Variants in FBXW10 observed in about 807,000 individuals in gnomAD.
The protein encoded by FBXW10 is F-box/WD repeat-containing protein 10.
A neutral mutation model predicts 113.1 loss-of-function variants in FBXW10; 68 were observed. That is an observed-to-expected ratio of 0.60 (90% CI 0.49 to 0.74). The LOEUF (loss-of-function observed/expected upper bound fraction) is 0.74. Among genes scored for constraint, FBXW10 ranks in the 30% least tolerant of loss-of-function variants. The pLI is 0.00. For synonymous variants in FBXW10, 289 were observed against 481.6 expected, an observed-to-expected ratio of 0.60 and a Z score of 5.24; for missense variants, 753 against 1,284.5, an observed-to-expected ratio of 0.59 and a Z score of 6.32.
At chr17:18,747,168 C>T (rs1402428334) in intron 1 of FBXW10, among the ~76,000 whole-genome samples, 4 of 152,062 alleles carry the variant, frequency 2.6e-5, no homozygotes, top group Admixed American at 2.0e-4. Context: ...CCTTGTGATC[C>T]GCCTGCCTCA....
chr17:18,776,825 C>A (rs984281426), intron 13 of FBXW10, among the ~76,000 whole-genome samples: 1 of 151,928 alleles, frequency 6.6e-6, no homozygotes, highest in Non-Finnish European at 1.5e-5. Context: ...CATCAATGGG[C>A]AATGGCTAAG....
Position 18,750,977 on chromosome 17 carries a change from C to G in FBXW10, c.1046C>G (p.Ser349Cys), listed in dbSNP as rs1420068122. The G allele has an allele frequency of 6.2e-7, 1 of 1,614,124 alleles. No homozygotes were observed. The highest frequency in any genetic ancestry group is 1.1e-5 in the South Asian group (1 of 91,084). The change falls in exon 5 of 14, where the codon TCT becomes TGT. Residue 349 changes from serine (S) to cysteine (C), a missense_variant. Ser to Cys is a moderately radical substitution (Grantham distance 112, BLOSUM62 -1). Coordinates refer to ENST00000395665, the MANE Select transcript of FBXW10 (RefSeq NM_001267585.2). ...GATCCTAATTATGCCAATAAGGTTT[C>G]TATCCCAGTTCCTAAAATGGTAGAT... ...GIDPNYANKV[S>C]IPVPKMVDDG...
rs139214917 is a variant in FBXW10 at position 18,760,466 on chromosome 17, A to G, written c.1433+1961A>G. 1.9e-4 allele frequency among the ~76,000 whole-genome samples: 29 copies of G among 152,382 alleles called. 1 individual carries two copies. The East Asian group carries it at 5.2e-3, about 27-fold the overall frequency. On this transcript the variant is annotated intron_variant, in intron 7 of 13. Coordinates refer to ENST00000395665, the MANE Select transcript of FBXW10 (RefSeq NM_001267585.2). ...GAATACCCTCTTGCCAGGACTATCT[A>G]TTAACTGTGTTCATAGTATCTACAT...
Position 18,766,774 on chromosome 17 carries a change from CCA to C in FBXW10, c.1618_1619del (p.Thr540GlnfsTer4). ...TTTAGACACAAAGACCCCATCTTGG[CCA>C]CCAGGATCAATGATACCTACATTGT... On this transcript the variant is annotated frameshift_variant, in exon 9 of 14. Transcript: ENST00000395665. LOFTEE classifies it high-confidence loss of function. 6.2e-7 allele frequency: 1 copy of C among 1,612,644 alleles called. No homozygotes were observed. Among genetic ancestry groups the C allele is most frequent in the South Asian group, 1.1e-5 (1 of 91,038 alleles).
At position 18,770,079 on chromosome 17, in the gene FBXW10, G is replaced by A. The variant is rs747464074; in HGVS notation, c.2000G>A (p.Gly667Asp). 6.8e-6 allele frequency: 11 copies of A among 1,614,134 alleles called. No homozygotes were observed. In the Admixed American group the frequency reaches 1.8e-4, roughly 27 times the overall value. ...CCTGTGCTGTCCTTCTTTATTCAGG[G>A]CAACAGGTGGGTGGTAGGTGTGGAG... is the stretch of plus-strand genomic sequence containing the variant. The part of the protein sequence containing the change: ...GDPVLSFFIQ[G>D]NRMVVNTESN... The change falls in exon 11 of 14, where the codon GGC (glycine) becomes GAC (aspartate). Residue 667 changes from glycine to aspartate, a missense_variant. Physicochemically the swap from Gly to Asp is moderately conservative, Grantham distance 94 (BLOSUM62 -1). Coordinates refer to ENST00000395665, the MANE Select transcript of FBXW10 (RefSeq NM_001267585.2).
At position 18,749,801 on chromosome 17, in the gene FBXW10, A is replaced by C; in HGVS notation, c.750A>C (p.Pro250=). The change falls in exon 3 of 14, where the codon CCA becomes CCC. Residue 250 remains proline, a synonymous_variant. Coordinates refer to ENST00000395665, the MANE Select transcript of FBXW10 (RefSeq NM_001267585.2). ...LFSGKGDITK[P]GYDPCNLLVD... ...CTGGAAAAGGAGACATAACCAAGCC[A>C]GGGTACGATCCCTGCAATCTATTGG... 6.2e-7 allele frequency: 1 copy of C among 1,614,232 alleles called. No individual in the cohort carries two copies. Among genetic ancestry groups the C allele is most frequent in the Non-Finnish European group, 8.5e-7 (1 of 1,180,048 alleles).
intron 12 of FBXW10, among the ~76,000 whole-genome samples, chr17:18,773,427 T>C (rs1258201665): frequency 6.6e-6 from 1 of 152,200 alleles, no homozygotes; most frequent in Non-Finnish European, 1.5e-5. Flanking sequence ...GCAGAATGTA[T>C]TGTTTTTAGA....
Position 18,768,605 on chromosome 17 carries a change from T to C in FBXW10, c.1776T>C (p.Thr592=), listed in dbSNP as rs766798493. 9 of 1,614,046 alleles carry C rather than the reference T, an allele frequency of 5.6e-6. No homozygotes were observed. Among genetic ancestry groups the C allele is most frequent in the Non-Finnish European group, 7.6e-6 (9 of 1,179,952 alleles). Residue 592 remains threonine, a synonymous_variant, in exon 10 of 14, where the codon ACT becomes ACC. Transcript: ENST00000395665. ...FDQWHLLSGS[T]DGLVMAWSMV... ...AGTGGCATCTCCTCTCAGGAAGTAC[T>C]GATGGCCTGGTCATGGCCTGGAGCA...
At chr17:18,759,262 A>G (rs1310782227) in intron 7 of FBXW10, among the ~76,000 whole-genome samples, 1 of 152,024 alleles carries the variant, frequency 6.6e-6, no homozygotes, top group African/African-American at 2.4e-5. Context: ...CCATTCCCCA[A>G]CCCTCCCACT....
At chr17:18,757,761 A>C (rs2035294573) in intron 6 of FBXW10, among the ~76,000 whole-genome samples, 1 of 152,274 alleles carries the variant, frequency 6.6e-6, no homozygotes, top group Non-Finnish European at 1.5e-5. Flanking sequence ...TATGATTGAA[A>C]GACTAATTCA....
intron 9 of FBXW10, 151 bp from the exon 10 acceptor site, chr17:18,768,383 A>C (rs1216388250): frequency 1.8e-6 from 2 of 1,109,030 alleles, no homozygotes; most frequent in Admixed American, 5.5e-5. Context: ...GCCTTCTTAG[A>C]GCAAAAGCAG....
chr17:18,747,872 T>A, intron 1 of FBXW10, 69 bp from the exon 2 acceptor site: 3 of 1,606,226 alleles, frequency 1.9e-6, no homozygotes, highest in Non-Finnish European at 2.5e-6. Flanking sequence ...TGAAAAAGTT[T>A]CTCTCCACCT....
In FBXW10 at chr17:18,766,830, G is replaced by C. The variant is rs144460161; in HGVS notation, c.1672G>C (p.Val558Leu). ...CAGCTGTGAGCGAGGGCTGGTGAAA[G>C]TGTGGCACATTGCCATGGCCCAGTT... ...VSSCERGLVK[V>L]WHIAMAQLVK... Residue 558 changes from valine to leucine, a missense_variant, in exon 9 of 14, where the codon GTG (valine) becomes CTG (leucine). Coordinates refer to ENST00000395665, the MANE Select transcript of FBXW10 (RefSeq NM_001267585.2). The C allele has an allele frequency of 1.2e-6, 2 of 1,610,248 alleles. No individual in the cohort carries two copies. The highest frequency in any genetic ancestry group is 1.3e-5 in the African/African-American group (1 of 74,976).
intron 7 of FBXW10, among the ~76,000 whole-genome samples, chr17:18,761,652 A>C (rs757434421): frequency 1.3e-5 from 2 of 152,200 alleles, no homozygotes; most frequent in Admixed American, 6.5e-5. Flanking sequence ...ACCTAACTAG[A>C]CTTTATTTGG....
chr17:18,758,018 C>T (rs574628183), intron 6 of FBXW10, among the ~76,000 whole-genome samples: 55 of 152,330 alleles, frequency 3.6e-4, no homozygotes, highest in African/African-American at 1.3e-3. Context: ...ATGCCACATA[C>T]TCCATTCTCT....
At chr17:18,763,258 G>A (rs1436131951) in intron 7 of FBXW10, among the ~76,000 whole-genome samples, 9 of 151,338 alleles carry the variant, frequency 5.9e-5, no homozygotes, top group African/African-American at 1.7e-4. Context: ...CCAGGTTCAC[G>A]CCATTCTCCT....
intron 7 of FBXW10, among the ~76,000 whole-genome samples, chr17:18,759,285 TC>T (rs1334511102): frequency 6.6e-6 from 1 of 152,224 alleles, no homozygotes; most frequent in Admixed American, 6.5e-5. Context: ...GCCCTTCTCT[TC>T]TTGCTTCTTC....
At position 18,778,772 on chromosome 17, in the gene FBXW10, A is replaced by T; in HGVS notation, c.2633A>T (p.Asp878Val). 1 of 1,613,810 alleles carries T rather than the reference A, an allele frequency of 6.2e-7. No homozygotes were observed. Among genetic ancestry groups the T allele is most frequent in the Non-Finnish European group, 8.5e-7 (1 of 1,179,804 alleles). ...DRLRLSNPPI[D>V]VKRTSIPLEI... ...TTGAGATTGAGCAATCCTCCTATAGATGTGAAACGAACCAGTATTCCCCTT... is the reference window on the plus strand; with the variant it reads ...TTGAGATTGAGCAATCCTCCTATAGTTGTGAAACGAACCAGTATTCCCCTT... Residue 878 changes from aspartate (D) to valine (V), a missense_variant, in exon 14 of 14, where the codon GAT becomes GTT. Transcript: ENST00000395665.
intron 7 of FBXW10, among the ~76,000 whole-genome samples, chr17:18,761,921 A>G (rs1381541721): frequency 1.3e-5 from 2 of 152,178 alleles, no homozygotes; most frequent in East Asian, 3.9e-4. Flanking sequence ...CTCTCTTATT[A>G]GTTGTAAAAG....
Sources: gnomAD v4.1 joint callset for allele counts (sites outside exome capture counted in the v4.1 genomes callset) on GRCh38, gnomAD v4.1.1 for gene constraint, MANE v1.5 for transcripts, NCBI Gene and HGNC (gene_info 2026-07-23, HGNC 2026-07-21) for gene names.